Variants in CHST11 observed in about 807,000 individuals in gnomAD.
CHST11 encodes C4S-1.
CHST11 carries 9 observed loss-of-function variants against 30.4 expected under a neutral mutation model. The observed-to-expected ratio is 0.30, with a 90% confidence interval of 0.18 to 0.52. The LOEUF (loss-of-function observed/expected upper bound fraction) is 0.52. Ranked by LOEUF, CHST11 falls within the 20% of genes least tolerant of loss-of-function variation. CHST11 has a pLI of 0.97. For synonymous variants in CHST11, 152 were observed against 187.8 expected (o/e 0.81, Z 1.56); for missense variants, 348 against 460.6 (o/e 0.76, Z 2.24).
chr12:104,506,632 T>G (rs753548471), intron 1 of CHST11, among the ~76,000 whole-genome samples: 10 of 152,314 alleles, frequency 6.6e-5, no homozygotes, highest in Admixed American at 1.3e-4. Context: ...TTGAGAAACC[T>G]AGTCCAGGTG....
intron 1 of CHST11, among the ~76,000 whole-genome samples, chr12:104,581,131 C>T (rs908290487): frequency 1.3e-5 from 2 of 152,218 alleles, no homozygotes; most frequent in Non-Finnish European, 2.9e-5. Flanking sequence ...TCAGCCTTTT[C>T]TGAGTAGAAC....
intron 1 of CHST11, among the ~76,000 whole-genome samples, chr12:104,502,742 C>T (rs2037863589): frequency 6.6e-6 from 1 of 152,176 alleles, no homozygotes; most frequent in African/African-American, 2.4e-5. Context: ...GGAAAGAGTT[C>T]ATGAAAGAAT....
At chr12:104,623,039 C>T (rs2039175611) in intron 2 of CHST11, among the ~76,000 whole-genome samples, 1 of 152,200 alleles carries the variant, frequency 6.6e-6, no homozygotes, top group South Asian at 2.1e-4. Context: ...CTGTAAAGGG[C>T]CAGACAGCAA....
chr12:104,715,532 C>T (rs1331714082), intron 2 of CHST11, among the ~76,000 whole-genome samples: 12 of 152,186 alleles, frequency 7.9e-5, no homozygotes, highest in South Asian at 2.1e-4. Flanking sequence ...CCCAGCGATA[C>T]GGAGGTACTA....
At chr12:104,648,124 T>A (rs1324390094) in intron 2 of CHST11, among the ~76,000 whole-genome samples, 1 of 152,222 alleles carries the variant, frequency 6.6e-6, no homozygotes, top group Non-Finnish European at 1.5e-5. Flanking sequence ...GTGAAGTTTA[T>A]TTGGAGACAC....
chr12:104,703,101 C>T (rs1042558879), intron 2 of CHST11, among the ~76,000 whole-genome samples: 5 of 152,240 alleles, frequency 3.3e-5, no homozygotes, highest in African/African-American at 1.2e-4. Flanking sequence ...TGCCTGCTGG[C>T]TCATGGGAAC....
intron 1 of CHST11, among the ~76,000 whole-genome samples, chr12:104,525,020 G>A (rs1008295287): frequency 6.6e-6 from 1 of 152,018 alleles, no homozygotes; most frequent in African/African-American, 2.4e-5. Flanking sequence ...AGAAAAAGAG[G>A]GAAGAAATGA....
chr12:104,669,232 G>T (rs552030503), intron 2 of CHST11, among the ~76,000 whole-genome samples: 1 of 151,962 alleles, frequency 6.6e-6, no homozygotes, highest in African/African-American at 2.4e-5. Context: ...CTCCTGCCCC[G>T]CCAGCTCCAC....
At chr12:104,722,155 A>AGTGTGTGT (rs57545833) in intron 2 of CHST11, among the ~76,000 whole-genome samples, 33,005 of 137,316 alleles carry the variant, frequency 0.24, 4,302 homozygotes, top group South Asian at 0.36. Flanking sequence ...CACTCAGCTA[A>AGTGTGTGT]GTGTGTGTGT....
intron 1 of CHST11, among the ~76,000 whole-genome samples, chr12:104,478,781 T>C (rs1417674049): frequency 6.6e-6 from 1 of 152,100 alleles, no homozygotes; most frequent in African/African-American, 2.4e-5. Context: ...TGGTGTTCCC[T>C]GTGGCCATCA....
chr12:104,711,087 G>A (rs2040084021), intron 2 of CHST11, among the ~76,000 whole-genome samples: 2 of 152,028 alleles, frequency 1.3e-5, no homozygotes. Context: ...CGTGGGGGGT[G>A]TATATTCTTT....
At chr12:104,480,395 G>A (rs2037608685) in intron 1 of CHST11, among the ~76,000 whole-genome samples, 1 of 152,074 alleles carries the variant, frequency 6.6e-6, no homozygotes, top group Non-Finnish European at 1.5e-5. Context: ...GGCCAAGATG[G>A]TGAAACCCCG....
At chr12:104,632,223 A>G (rs949400157) in intron 2 of CHST11, among the ~76,000 whole-genome samples, 2 of 151,896 alleles carry the variant, frequency 1.3e-5, no homozygotes, top group African/African-American at 4.8e-5. Context: ...ATTGGGGGTG[A>G]TGATATGGGG....
chr12:104,650,873 C>T (rs997515182), intron 2 of CHST11, among the ~76,000 whole-genome samples: 3 of 152,172 alleles, frequency 2.0e-5, no homozygotes, highest in African/African-American at 4.8e-5. Flanking sequence ...AGAATGGGGA[C>T]GTGGGAGCCA....
At position 104,758,414 on chromosome 12, in the gene CHST11, A is replaced by T. The variant is rs1484962253; in HGVS notation, c.*611A>T. The T allele has an allele frequency of 6.6e-6, 1 of 151,584 alleles. No individual in the cohort carries two copies. Among genetic ancestry groups the T allele is most frequent in the Non-Finnish European group, 1.5e-5 (1 of 67,688 alleles). 9.4% of individuals were successfully genotyped at this position (151,584 alleles called of 1,614,324 possible). A position where few individuals can be genotyped will look rare whatever the true frequency, so the allele number is the denominator to read the frequency against. ...CACTAAAGAAATGTGATTTTTTTTT[A>T]ACCCAAGGAGAAAGTTGGTTGTAAC... On this transcript the variant is annotated 3_prime_UTR_variant, in exon 3 of 3. Transcript: ENST00000303694.
chr12:104,726,040 G>C (rs2040214053), intron 2 of CHST11, among the ~76,000 whole-genome samples: 1 of 152,170 alleles, frequency 6.6e-6, no homozygotes, highest in East Asian at 1.9e-4. Flanking sequence ...AATGAAGCAG[G>C]ATTGGCAAGA....
intron 2 of CHST11, among the ~76,000 whole-genome samples, chr12:104,644,293 C>G (rs2039406090): frequency 6.6e-6 from 1 of 152,206 alleles, no homozygotes; most frequent in Non-Finnish European, 1.5e-5. Context: ...TGCATTTCGT[C>G]TCAGGTTGCC....
intron 2 of CHST11, among the ~76,000 whole-genome samples, chr12:104,706,440 G>T (rs1318432521): frequency 6.8e-6 from 1 of 146,814 alleles, no homozygotes; most frequent in Non-Finnish European, 1.5e-5. Context: ...GTGGGTGGGT[G>T]GGTGGGTGAG....
intron 1 of CHST11, among the ~76,000 whole-genome samples, chr12:104,494,744 CACTT>C (rs1565962601): frequency 6.6e-6 from 1 of 152,108 alleles, no homozygotes; most frequent in African/African-American, 2.4e-5. Flanking sequence ...TTTTGTAAAA[CACTT>C]AAACAATTCA....
Sources: gnomAD v4.1 joint callset for allele counts (sites outside exome capture counted in the v4.1 genomes callset) on GRCh38, gnomAD v4.1.1 for gene constraint, MANE v1.5 for transcripts, NCBI Gene and HGNC (gene_info 2026-07-23, HGNC 2026-07-21) for gene names.